The following CCDC3 variants were observed in gnomAD, a reference collection of about 807,000 sequenced individuals.
CCDC3 encodes coiled-coil domain-containing protein 3.
Under a neutral mutation model 21.4 loss-of-function variants are expected in CCDC3, and 24 were observed. That is an observed-to-expected ratio of 1.12 (90% CI 0.81 to 1.58). The LOEUF (loss-of-function observed/expected upper bound fraction) is 1.58, where lower values mean the gene tolerates loss of function less well. Ranked by LOEUF, CCDC3 falls within the 40% of genes most tolerant of loss-of-function variation. CCDC3 has a pLI of 0.00. For missense variants in CCDC3, 425 were observed against 360.9 expected (o/e 1.18, Z -1.44); for synonymous variants, 186 against 166.0 (o/e 1.12, Z -0.93).
chr10:12,968,190 A>AACACACATAC (rs1835289994), intron 2 of CCDC3, among the ~76,000 whole-genome samples: 1 of 75,290 alleles, frequency 1.3e-5, no homozygotes, highest in Admixed American at 1.4e-4. Context: ...AGAAAATACA[A>AACACACATAC]ACACACACAC....
intron 4 of CCDC3, among the ~76,000 whole-genome samples, chr10:13,072,865 TTC>T (rs1456591971): frequency 0.013 from 672 of 49,794 alleles, 15 homozygotes; most frequent in Admixed American, 0.04. Context: ...TTTCTTTTCT[TTC>T]TTTTTTTTTT....
intron 5 of CCDC3, among the ~76,000 whole-genome samples, chr10:13,034,558 A>G: frequency 6.6e-6 from 1 of 152,104 alleles, no homozygotes; most frequent in East Asian, 1.9e-4. Flanking sequence ...CATTTTTCCA[A>G]AAGTTTGGAA....
intron 2 of CCDC3, among the ~76,000 whole-genome samples, chr10:12,981,994 G>A (rs187530857): frequency 2.0e-5 from 3 of 151,728 alleles, no homozygotes; most frequent in Non-Finnish European, 2.9e-5. Context: ...GTGGTGGCAT[G>A]TGTCTGTAGT....
intron 5 of CCDC3, among the ~76,000 whole-genome samples, chr10:13,046,429 A>G (rs1033657464): frequency 1.3e-5 from 2 of 148,310 alleles, no homozygotes; most frequent in African/African-American, 5.0e-5. Context: ...AAAAAAGGCC[A>G]GGTGCGGTGG....
In CCDC3 at chr10:12,982,121, C is replaced by CAAAAAAAA. The variant is rs71386135; in HGVS notation, c.549+16209_549+16216dup. Among the ~76,000 whole-genome samples the CAAAAAAAA allele has an allele frequency of 4.5e-4, 15 of 33,252 alleles. 1 individual carries two copies. The highest frequency in any genetic ancestry group is 2.0e-3 in the African/African-American group (15 of 7,418). The allele number at this position is 33,252 out of a possible 152,430, so 21.8% of individuals were successfully genotyped here. Reference sequence around the variant, plus strand: ...TGGGAGACAGAGAGAGACTCTGTCTCAAAAAAAAAAAAAAAAAAAAAAAAA... The same window carrying CAAAAAAAA: ...TGGGAGACAGAGAGAGACTCTGTCTCAAAAAAAAAAAAAAAAAAAAAAAAAAAAAAAAA... On this transcript the variant is annotated intron_variant, in intron 2 of 2. Coordinates refer to ENST00000378825, the MANE Select transcript of CCDC3 (RefSeq NM_031455.4).
Position 13,065,152 on chromosome 10 carries a change from TC to T in CCDC3, c.-270+8715del, listed in dbSNP as rs374432475. ...AAGTAGAAGTCTTAATGAATACAGA[TC>T]TCTTTGTTAAATAAGAAGTAATTTT... On this transcript the variant is annotated intron_variant, in intron 4 of 6. Transcript: ENST00000378839. Among the ~76,000 whole-genome samples, 763 of 152,276 alleles carry T rather than the reference TC, an allele frequency of 5.0e-3. 5 individuals carry two copies. Among genetic ancestry groups the T allele is most frequent in the African/African-American group, 0.017 (725 of 41,558 alleles).
rs540473513 is a variant in CCDC3 at position 12,923,627 on chromosome 10, G to A, written c.550-24948C>T. The stretch of plus-strand genomic sequence containing the variant: ...GTGATATTTTGTGATATGATACCTC[G>A]ATGGGTTTTCCTTTGGGATATGCGT... On this transcript the variant is annotated intron_variant, in intron 2 of 2. Coordinates refer to ENST00000378825, the MANE Select transcript of CCDC3 (RefSeq NM_031455.4). 9.9e-5 allele frequency among the ~76,000 whole-genome samples: 15 copies of A among 152,224 alleles called. No homozygotes were observed. The Middle Eastern group carries it at 0.014, about 138-fold the overall frequency.
intron 2 of CCDC3, among the ~76,000 whole-genome samples, chr10:12,966,044 T>C (rs1377920996): frequency 1.3e-5 from 2 of 152,150 alleles, no homozygotes; most frequent in Non-Finnish European, 2.9e-5. Context: ...TTTGCAAGCC[T>C]TTCACGAGAT....
At chr10:13,027,520 A>G (rs1276260396) in intron 5 of CCDC3, among the ~76,000 whole-genome samples, 2 of 152,066 alleles carry the variant, frequency 1.3e-5, no homozygotes, top group Non-Finnish European at 2.9e-5. Context: ...GCTATCATTC[A>G]CTGAGCAACC....
At chr10:13,001,126 C>A in intron 1 of CCDC3, 71 bp downstream of exon 1, 1 of 1,499,934 alleles carries the variant, frequency 6.7e-7, no homozygotes, top group African/African-American at 1.4e-5. Flanking sequence ...ACCGGCCTGG[C>A]TCTAGGTAAC....
intron 5 of CCDC3, among the ~76,000 whole-genome samples, chr10:13,047,994 C>G (rs878905467): frequency 6.6e-6 from 1 of 152,076 alleles, no homozygotes; most frequent in African/African-American, 2.4e-5. Flanking sequence ...TGAATCCACA[C>G]GTTGCAAGAG....
chr10:12,966,574 G>A (rs958138015), intron 2 of CCDC3, among the ~76,000 whole-genome samples: 2 of 152,100 alleles, frequency 1.3e-5, no homozygotes, highest in East Asian at 1.9e-4. Context: ...GCTTCTTATC[G>A]AAGCAGAAAA....
At chr10:13,035,348 C>T (rs1184281948) in intron 5 of CCDC3, among the ~76,000 whole-genome samples, 1 of 152,022 alleles carries the variant, frequency 6.6e-6, no homozygotes, top group African/African-American at 2.4e-5. Flanking sequence ...TCAGCAGTTA[C>T]ACATTAGACA....
intron 3 of CCDC3, among the ~76,000 whole-genome samples, chr10:13,085,066 C>T (rs978841242): frequency 6.6e-6 from 1 of 152,172 alleles, no homozygotes; most frequent in African/African-American, 2.4e-5. Context: ...CCCTGAAGAT[C>T]CTGACAACAA....
intron 2 of CCDC3, among the ~76,000 whole-genome samples, chr10:12,996,652 G>C (rs1158541266): frequency 6.6e-6 from 1 of 152,104 alleles, no homozygotes; most frequent in Non-Finnish European, 1.5e-5. Context: ...CCCTTAGTTG[G>C]ACGTACCAGC....
rs186171597 is a variant in CCDC3 at position 13,039,213 on chromosome 10, C to T, written c.-2+10461G>A. Among the ~76,000 whole-genome samples, 743 of 152,106 alleles carry T rather than the reference C, an allele frequency of 4.9e-3. 2 individuals carry two copies. The highest frequency in any genetic ancestry group is 0.014 in the Middle Eastern group (4 of 294). On this transcript the variant is annotated intron_variant, in intron 5 of 6. Coordinates refer to the CCDC3 transcript ENST00000378839. The stretch of plus-strand genomic sequence containing the variant: ...GGCAGATCTCCTGAAGTCAGGGGTT[C>T]GAGACCAGCCTAGGCAACATAGTGA...
chr10:12,965,310 T>C lies in CCDC3; in HGVS notation c.549+33028A>G, dbSNP rs186782784. Among the ~76,000 whole-genome samples the C allele has an allele frequency of 3.3e-5, 5 of 152,350 alleles. No homozygotes were observed. The East Asian group carries it at 9.6e-4, about 29-fold the overall frequency. ...TTGTGTATCTTTTATCCTGTTAATC[T>C]GCCTGTTGTCAGTTTATTTCATAGA... is the stretch of plus-strand genomic sequence containing the variant. On this transcript the variant is annotated intron_variant, in intron 2 of 2. Coordinates refer to ENST00000378825, the MANE Select transcript of CCDC3 (RefSeq NM_031455.4).
Position 13,081,527 on chromosome 10 carries a change from T to C in CCDC3, c.-502-7427A>G, listed in dbSNP as rs182388779. 8.5e-5 allele frequency among the ~76,000 whole-genome samples: 13 copies of C among 152,334 alleles called. 1 individual carries two copies. The highest frequency in any genetic ancestry group is 2.6e-4 in the Admixed American group (4 of 15,310). The stretch of plus-strand genomic sequence containing the variant: ...TCACCATCAGAGTCATGGGCCATTG[T>C]TCCAGGGTCAAGCCCTACCAAGTTA... On this transcript the variant is annotated intron_variant, in intron 3 of 6. Transcript: ENST00000378839.
intron 2 of CCDC3, among the ~76,000 whole-genome samples, chr10:12,962,499 A>T (rs1835194614): frequency 6.6e-6 from 1 of 152,230 alleles, no homozygotes; most frequent in Non-Finnish European, 1.5e-5. Context: ...GCTACTCAGG[A>T]GGCTGAGGCA....
Sources: gnomAD v4.1 joint callset for allele counts (sites outside exome capture counted in the v4.1 genomes callset) on GRCh38, gnomAD v4.1.1 for gene constraint, MANE v1.5 for transcripts, NCBI Gene and HGNC (gene_info 2026-07-23, HGNC 2026-07-21) for gene names.